The following SYBU variants were observed in gnomAD, a reference collection of about 807,000 sequenced individuals.
The protein encoded by SYBU is syntabulin, also known as GOLSYN A protein.
A neutral mutation model predicts 35.9 loss-of-function variants in SYBU; 21 were observed. The observed-to-expected ratio is 0.58, with a 90% confidence interval of 0.41 to 0.84. The LOEUF (loss-of-function observed/expected upper bound fraction) is 0.84. Ranked by LOEUF, SYBU falls within the 40% of genes least tolerant of loss-of-function variation. The pLI, the probability that SYBU is intolerant of heterozygous loss-of-function variation, is 0.00. For synonymous variants in SYBU, 319 were observed against 324.3 expected, an observed-to-expected ratio of 0.98 and a Z score of 0.18; for missense variants, 768 against 848.2, an observed-to-expected ratio of 0.91 and a Z score of 1.17.
chr8:109,688,305 A>T (rs1817565890), intron 1 of SYBU, among the ~76,000 whole-genome samples: 1 of 152,246 alleles, frequency 6.6e-6, no homozygotes, highest in Non-Finnish European at 1.5e-5. Context: ...ATTGTGAAGT[A>T]TACTAGAAAA....
intron 1 of SYBU, among the ~76,000 whole-genome samples, chr8:109,668,165 G>GGAGAGAGAGAGAGAGAGAGAGAGA (rs60330422): frequency 5.6e-5 from 5 of 88,988 alleles, no homozygotes; most frequent in Non-Finnish European, 1.0e-4. Flanking sequence ...GGGGAGAGGG[G>GGAGAGAGAGAGAGAGAGAGAGAGA]GAGAGAGAGA....
intron 3 of SYBU, among the ~76,000 whole-genome samples, chr8:109,591,758 C>T (rs981523745): frequency 3.3e-5 from 5 of 151,632 alleles, no homozygotes; most frequent in Admixed American, 6.6e-5. Flanking sequence ...GTGATCCGCC[C>T]GCCTCGGCCT....
rs186899170 is a variant in SYBU, at chr8:109,600,697, T to C, written c.428-14535A>G. ...ATCACAAACTGCTGTTTGGTGTTGATTTCCAGTAAAATTGTAGAGAAAGTC... is the reference window on the plus strand; with the variant it reads ...ATCACAAACTGCTGTTTGGTGTTGACTTCCAGTAAAATTGTAGAGAAAGTC... On this transcript the variant is annotated intron_variant, in intron 3 of 6. Transcript: ENST00000276646. Among the ~76,000 whole-genome samples, 18 of 152,300 alleles carry C rather than the reference T, an allele frequency of 1.2e-4. No homozygotes were observed. The East Asian group carries it at 2.9e-3, about 25-fold the overall frequency.
intron 3 of SYBU, among the ~76,000 whole-genome samples, chr8:109,615,530 G>A (rs942449159): frequency 3.3e-5 from 5 of 152,196 alleles, no homozygotes; most frequent in South Asian, 2.1e-4. Flanking sequence ...AGAACTTACC[G>A]TACAGAATTA....
chr8:109,686,824 C>T (rs1484407594), intron 1 of SYBU, among the ~76,000 whole-genome samples: 2 of 152,062 alleles, frequency 1.3e-5, no homozygotes, highest in Non-Finnish European at 2.9e-5. Context: ...TATTTCATTC[C>T]TTATTTTCAG....
chr8:109,584,584 T>C lies in SYBU; in HGVS notation c.530+1476A>G, dbSNP rs1313236652. Among the ~76,000 whole-genome samples the C allele has an allele frequency of 6.6e-6, 1 of 152,186 alleles. No homozygotes were observed. Among genetic ancestry groups the C allele is most frequent in the African/African-American group, 2.4e-5 (1 of 41,448 alleles). Reference sequence around the variant, plus strand: ...GTCCTATAATCCCAGAGGCACTTTATTGCCAAAATGGTGGTGGTGGGTGGG... The same window carrying C: ...GTCCTATAATCCCAGAGGCACTTTACTGCCAAAATGGTGGTGGTGGGTGGG... On this transcript the variant is annotated intron_variant, in intron 4 of 6. Transcript: ENST00000276646. This position sits in a 1 kb window ranked among gnomAD's most constrained non-coding sequence, Gnocchi z 4.0.
intron 3 of SYBU, chr8:109,607,899 A>G: frequency 1.4e-6 from 2 of 1,422,122 alleles, no homozygotes; most frequent in Non-Finnish European, 1.9e-6. Context: ...TACTGTGACT[A>G]ATACTACTTA....
chr8:109,691,291 C>CCCA lies in SYBU; in HGVS notation c.-58+41_-58+42insTGG, dbSNP rs1817638925. 1.4e-6 allele frequency: 1 copy of CCCA among 697,910 alleles called. No individual in the cohort carries two copies. The highest frequency in any genetic ancestry group is 1.8e-5 in the African/African-American group (1 of 56,530). The allele number at this position is 697,910 out of a possible 1,614,324, so 43.2% of individuals were successfully genotyped here. A position where few individuals can be genotyped will look rare whatever the true frequency, so the allele number is the denominator to read the frequency against. ...ACCATCAGTTGCCCTCCCGTGTCCG[C>CCCA]GGGCACTGACAGCAGAGACCGCATA... On this transcript the variant is annotated intron_variant, in intron 1 of 7. Transcript: ENST00000422135. The surrounding 1 kb of genome is among the most constrained non-coding windows in gnomAD (Gnocchi z 4.7).
intron 2 of SYBU, among the ~76,000 whole-genome samples, chr8:109,627,141 T>C (rs963045208): frequency 1.4e-5 from 2 of 139,582 alleles, no homozygotes; most frequent in Non-Finnish European, 3.1e-5. Context: ...TGTTCAGTTG[T>C]ATAATTTTTG....
At chr8:109,659,662 A>C (rs1816488665) in intron 1 of SYBU, among the ~76,000 whole-genome samples, 1 of 152,114 alleles carries the variant, frequency 6.6e-6, no homozygotes, top group Admixed American at 6.6e-5. Flanking sequence ...ACTCTCCCAC[A>C]CTAAGAACAA....
intron 2 of SYBU, among the ~76,000 whole-genome samples, chr8:109,636,037 A>G (rs1380500077): frequency 6.6e-6 from 1 of 152,194 alleles, no homozygotes; most frequent in Non-Finnish European, 1.5e-5. Flanking sequence ...TCTTCTATCC[A>G]GGTGGTCTCA....
intron 1 of SYBU, among the ~76,000 whole-genome samples, chr8:109,680,378 G>T (rs527541939): frequency 1.3e-3 from 99 of 75,346 alleles, no homozygotes; most frequent in South Asian, 4.5e-3. Context: ...AGAACCGAAA[G>T]AAATTAGTTT....
intron 3 of SYBU, among the ~76,000 whole-genome samples, chr8:109,589,465 G>A (rs192028146): frequency 2.0e-5 from 3 of 152,296 alleles, no homozygotes; most frequent in African/African-American, 2.4e-5. Flanking sequence ...GAACAGACAG[G>A]ATGAATTTGA....
At chr8:109,612,823 C>G (rs1008869109) in intron 3 of SYBU, among the ~76,000 whole-genome samples, 1 of 151,844 alleles carries the variant, frequency 6.6e-6, no homozygotes. Flanking sequence ...CTACTAAAAA[C>G]ACAAAAATTA....
chr8:109,615,535 G>T (rs1811637395), intron 3 of SYBU, among the ~76,000 whole-genome samples: 1 of 152,144 alleles, frequency 6.6e-6, no homozygotes, highest in South Asian at 2.1e-4. Flanking sequence ...TTACCGTACA[G>T]AATTAGGTCG....
chr8:109,622,794 A>G (rs955100723), intron 2 of SYBU, among the ~76,000 whole-genome samples: 2 of 152,230 alleles, frequency 1.3e-5, no homozygotes, highest in African/African-American at 2.4e-5. Context: ...TATCAATGAC[A>G]AAGATTTCTA....
chr8:109,642,383 G>C (rs1814996631), intron 2 of SYBU, among the ~76,000 whole-genome samples: 1 of 152,132 alleles, frequency 6.6e-6, no homozygotes, highest in African/African-American at 2.4e-5. Context: ...ACCATGGCAT[G>C]TGTATACTTA....
chr8:109,588,980 C>A (rs1448222201), intron 3 of SYBU, among the ~76,000 whole-genome samples: 1 of 151,936 alleles, frequency 6.6e-6, no homozygotes, highest in African/African-American at 2.4e-5. Context: ...GCCAACATGG[C>A]AAAACCCTGT....
Position 109,691,566 on chromosome 8 carries a change from C to T in SYBU, c.-291G>A. The T allele has an allele frequency of 2.3e-6, 1 of 443,314 alleles. No homozygotes were observed. The highest frequency in any genetic ancestry group is 3.9e-6 in the Non-Finnish European group (1 of 253,814). The allele number at this position is 443,314 out of a possible 1,614,324, so 27.5% of individuals were successfully genotyped here. A position where few individuals can be genotyped will look rare whatever the true frequency, so the allele number is the denominator to read the frequency against. On this transcript the variant is annotated 5_prime_UTR_variant, in exon 1 of 8. Coordinates refer to the SYBU transcript ENST00000422135. This position sits in a 1 kb window ranked among gnomAD's most constrained non-coding sequence, Gnocchi z 4.7. ...TCCGGTGCCCTCGGCCCCTCGGCCT[C>T]TGCAGCCAGCCGGGCGGCTGCTGGG...
Sources: gnomAD v4.1 joint callset for allele counts (sites outside exome capture counted in the v4.1 genomes callset) on GRCh38, gnomAD v4.1.1 for gene constraint, Gnocchi (gnomAD v3.1) non-coding constraint, MANE v1.5 for transcripts, NCBI Gene and HGNC (gene_info 2026-07-23, HGNC 2026-07-21) for gene names.